The following WWC2 variants were observed in gnomAD, a reference collection of about 807,000 sequenced individuals.
WWC2 encodes WW and C2 domain containing 2.
A neutral mutation model predicts 138.5 loss-of-function variants in WWC2; 101 were observed. The observed-to-expected ratio is 0.73, with a 90% CI of 0.62 to 0.86. WWC2 has a LOEUF of 0.86. WWC2 is among the 40% of genes least tolerant of loss of function. WWC2 has a pLI of 0.00. For synonymous variants in WWC2, 558 were observed against 538.4 expected, an observed-to-expected ratio of 1.04 and a Z score of -0.50; for missense variants, 1,420 against 1,419.4, an observed-to-expected ratio of 1.00 and a Z score of -0.01.
chr4:183,199,400 C>T (rs1735241037), intron 2 of WWC2, among the ~76,000 whole-genome samples: 1 of 152,318 alleles, frequency 6.6e-6, no homozygotes, highest in African/African-American at 2.4e-5. Flanking sequence ...CATACACTAG[C>T]CATGCACATA....
At chr4:183,117,090 G>A (rs371871272) in intron 1 of WWC2, among the ~76,000 whole-genome samples, 1 of 151,874 alleles carries the variant, frequency 6.6e-6, no homozygotes, top group African/African-American at 2.4e-5. Context: ...CTTTTCAAAT[G>A]TGCCACTTAC....
intron 1 of WWC2, among the ~76,000 whole-genome samples, chr4:183,108,920 A>G (rs890331927): frequency 6.6e-6 from 1 of 152,128 alleles, no homozygotes; most frequent in East Asian, 1.9e-4. Flanking sequence ...GATTGTAGTT[A>G]ATTTTATTAA....
chr4:183,245,351 A>G (rs551526880), intron 5 of WWC2, 65 bp from the exon 6 acceptor site: 3 of 1,357,048 alleles, frequency 2.2e-6, no homozygotes, highest in South Asian at 3.7e-5. Context: ...ACCACTTCCT[A>G]CTCTCTGTTT....
At chr4:183,244,192 A>G (rs887932805) in intron 5 of WWC2, among the ~76,000 whole-genome samples, 21 of 152,188 alleles carry the variant, frequency 1.4e-4, no homozygotes, top group African/African-American at 4.8e-4. Context: ...AGGCATAGCC[A>G]TATGTCCCAC....
intron 1 of WWC2, 65 bp from the exon 2 acceptor site, chr4:183,193,534 C>T: frequency 4.2e-6 from 6 of 1,434,434 alleles, no homozygotes; most frequent in Admixed American, 1.8e-5. Flanking sequence ...GGTTAGGGTG[C>T]TGAATTTTGA....
At chr4:183,168,409 A>T (rs1226146482) in intron 1 of WWC2, among the ~76,000 whole-genome samples, 1 of 152,214 alleles carries the variant, frequency 6.6e-6, no homozygotes, top group Non-Finnish European at 1.5e-5. Flanking sequence ...CCATGAATTG[A>T]CTTTGGATCT....
At chr4:183,172,496 C>CT (rs1734318118) in intron 1 of WWC2, among the ~76,000 whole-genome samples, 1 of 148,708 alleles carries the variant, frequency 6.7e-6, no homozygotes, top group Non-Finnish European at 1.5e-5. Context: ...GATGGTACTG[C>CT]TTTACTGACT....
intron 4 of WWC2, among the ~76,000 whole-genome samples, chr4:183,237,944 A>C (rs1007736573): frequency 2.0e-5 from 3 of 152,108 alleles, no homozygotes; most frequent in African/African-American, 7.2e-5. Context: ...GTGAATAATG[A>C]ATATGCCCAA....
Position 183,315,746 on chromosome 4 carries a change from AT to A in WWC2, c.*19del, listed in dbSNP as rs759665372. 1 of 1,601,478 alleles carries A rather than the reference AT, an allele frequency of 6.2e-7. No individual in the cohort carries two copies. The highest frequency in any genetic ancestry group is 1.1e-5 in the South Asian group (1 of 89,242). On this transcript the variant is annotated 3_prime_UTR_variant, in exon 23 of 23. Transcript: ENST00000403733. ...GATGTGTGATTACATGACTTAAGAA[AT>A]TATTTTTTCATCTGTTCACTTTCTT...
intron 2 of WWC2, among the ~76,000 whole-genome samples, chr4:183,201,438 G>T (rs566784727): frequency 1.3e-5 from 2 of 152,128 alleles, no homozygotes; most frequent in Admixed American, 6.5e-5. Flanking sequence ...CACTGTGCCC[G>T]TCCGACTCAG....
At chr4:183,228,748 C>T (rs2111282197) in intron 4 of WWC2, among the ~76,000 whole-genome samples, 1 of 152,196 alleles carries the variant, frequency 6.6e-6, no homozygotes, top group East Asian at 1.9e-4. Flanking sequence ...CCTAATAAAG[C>T]TGAACGTGTG....
Position 183,240,246 on chromosome 4 carries a change from T to C in WWC2, c.586T>C (p.Phe196Leu). ...GGAACTGCTCTATAAAGAACAAGGC[T>C]TTGAAACATTGCAGCAGTGAGTATG... ...KQELLYKEQG[F>L]ETLQQIDKKM... The change falls in exon 5 of 23, where the codon TTT becomes CTT. Residue 196 changes from phenylalanine (F) to leucine (L), a missense_variant. Transcript: ENST00000403733. 6.4e-7 allele frequency: 1 copy of C among 1,552,010 alleles called. No homozygotes were observed. The highest frequency in any genetic ancestry group is 8.7e-7 in the Non-Finnish European group (1 of 1,147,566).
chr4:183,189,762 T>C (rs1188537077), intron 1 of WWC2, among the ~76,000 whole-genome samples: 1 of 152,242 alleles, frequency 6.6e-6, no homozygotes, highest in Non-Finnish European at 1.5e-5. Flanking sequence ...CTCTGAATTG[T>C]GGCAAGAGTT....
chr4:183,245,401 T>C lies in WWC2; in HGVS notation c.603-15T>C, dbSNP rs368669581. 5.3e-6 allele frequency: 8 copies of C among 1,515,124 alleles called. No individual in the cohort carries two copies. The highest frequency in any genetic ancestry group is 7.0e-6 in the Non-Finnish European group (8 of 1,138,768). 93.9% of individuals were successfully genotyped at this position (1,515,124 alleles called of 1,614,324 possible). A position where few individuals can be genotyped will look rare whatever the true frequency, so the allele number is the denominator to read the frequency against. On this transcript the variant is annotated splice_polypyrimidine_tract_variant and intron_variant, in intron 5 of 22. Coordinates refer to ENST00000403733, the MANE Select transcript of WWC2 (RefSeq NM_024949.6). ...CATTCTTTGATATTTTTTCTTTCTT[T>C]TTCTCTTTTCACAGAATTGATAAAA...
chr4:183,282,768 A>T lies in WWC2; in HGVS notation c.2745A>T (p.Lys915Asn). 6.3e-7 allele frequency: 1 copy of T among 1,581,526 alleles called. No individual in the cohort carries two copies. The highest frequency in any genetic ancestry group is 8.6e-7 in the Non-Finnish European group (1 of 1,163,048). ...TGGCTGAAAAAGAGGCTGAAGTTAA[A>T]TTGCCAGAGGACAGTAGCTGTACAG... is the stretch of plus-strand genomic sequence containing the variant. ...EIVAEKEAEV[K>N]LPEDSSCTED... The change falls in exon 18 of 23, where the codon AAA becomes AAT. Residue 915 changes from lysine (K) to asparagine (N), a missense_variant. By Grantham distance (94) the Lys-to-Asn change is moderately conservative (BLOSUM62 0). Transcript: ENST00000403733.
intron 4 of WWC2, among the ~76,000 whole-genome samples, chr4:183,210,829 G>A (rs1735574973): frequency 6.6e-6 from 1 of 152,150 alleles, no homozygotes; most frequent in Non-Finnish European, 1.5e-5. Context: ...AACACACAGT[G>A]GTATTTGTGT....
At chr4:183,264,952 T>C (rs762774061) in intron 11 of WWC2, 26 bp from the exon 12 acceptor site, 27 of 1,602,090 alleles carry the variant, frequency 1.7e-5, no homozygotes, top group Non-Finnish European at 2.2e-5. Flanking sequence ...ACATTCTGAT[T>C]AGTGCTCTCA....
intron 1 of WWC2, among the ~76,000 whole-genome samples, chr4:183,159,664 C>T (rs1241538266): frequency 6.6e-6 from 1 of 150,846 alleles, no homozygotes; most frequent in African/African-American, 2.4e-5. Context: ...CTCAGCTTCC[C>T]AAAGTGCTGG....
chr4:183,268,422 A>G (rs961571707), intron 14 of WWC2, among the ~76,000 whole-genome samples: 2 of 152,220 alleles, frequency 1.3e-5, no homozygotes, highest in African/African-American at 2.4e-5. Context: ...GATGCTAGAC[A>G]GTGATATTTT....
Sources: gnomAD v4.1 joint callset for allele counts (sites outside exome capture counted in the v4.1 genomes callset) on GRCh38, gnomAD v4.1.1 for gene constraint, MANE v1.5 for transcripts, NCBI Gene and HGNC (gene_info 2026-07-23, HGNC 2026-07-21) for gene names.